The following NSUN3 variants were observed in gnomAD, a reference collection of about 807,000 sequenced individuals.
NSUN3 encodes the protein NOP2/Sun RNA methyltransferase 3, also known as tRNA (cytosine(34)-C(5))-methyltransferase, mitochondrial.
A neutral mutation model predicts 36.8 loss-of-function variants in NSUN3; 24 were observed. The observed-to-expected ratio is 0.65, with a 90% CI of 0.47 to 0.92. NSUN3 has a LOEUF of 0.92. NSUN3 is among the 40% of genes least tolerant of loss of function. The probability of loss-of-function intolerance (pLI) is 0.00; values close to 1 mark genes in which losing one functional copy is unlikely to be tolerated. For missense variants in NSUN3, 381 were observed against 392.8 expected (o/e 0.97, Z 0.25); for synonymous variants, 146 against 145.2 (o/e 1.01, Z -0.04).
intron 2 of NSUN3, among the ~76,000 whole-genome samples, chr3:94,067,818 C>T (rs2077211114): frequency 6.6e-6 from 1 of 152,008 alleles, no homozygotes; most frequent in African/African-American, 2.4e-5. Flanking sequence ...CAAGTATACA[C>T]ATCTAACACT....
chr3:94,109,318 T>C (rs2077406217), intron 5 of NSUN3, among the ~76,000 whole-genome samples: 1 of 152,226 alleles, frequency 6.6e-6, no homozygotes, highest in African/African-American at 2.4e-5. Flanking sequence ...CTTGATTTGG[T>C]AGTTAATTAC....
chr3:94,107,906 C>A (rs1282700685), intron 5 of NSUN3, among the ~76,000 whole-genome samples: 3 of 151,606 alleles, frequency 2.0e-5, no homozygotes, highest in Admixed American at 1.3e-4. Context: ...TATTTACGAC[C>A]CAGTTGGCAG....
intron 5 of NSUN3, among the ~76,000 whole-genome samples, chr3:94,117,600 T>C (rs1374357302): frequency 1.3e-5 from 2 of 152,220 alleles, no homozygotes; most frequent in Non-Finnish European, 2.9e-5. Flanking sequence ...GAAAGTTGTA[T>C]ACCTGATATC....
intron 3 of NSUN3, among the ~76,000 whole-genome samples, chr3:94,086,304 A>G (rs2077292656): frequency 6.6e-6 from 1 of 152,126 alleles, no homozygotes; most frequent in African/African-American, 2.4e-5. Context: ...AGGTTTCGAT[A>G]CCCTGGCACA....
intron 2 of NSUN3, among the ~76,000 whole-genome samples, chr3:94,078,799 C>T (rs1483468091): frequency 6.6e-6 from 1 of 152,114 alleles, no homozygotes; most frequent in Non-Finnish European, 1.5e-5. Context: ...AATATTCCTC[C>T]ATCCCTTTAT....
chr3:94,098,821 C>A (rs1409192047), intron 5 of NSUN3, among the ~76,000 whole-genome samples: 1 of 152,142 alleles, frequency 6.6e-6, no homozygotes, highest in Non-Finnish European at 1.5e-5. Context: ...TTACTGAAGC[C>A]TTGCCTGACT....
intron 2 of NSUN3, among the ~76,000 whole-genome samples, chr3:94,070,012 G>T (rs1489478868): frequency 6.6e-6 from 1 of 151,650 alleles, no homozygotes; most frequent in Non-Finnish European, 1.5e-5. Flanking sequence ...TTGTTTCTTA[G>T]GAATTTTTCT....
At chr3:94,119,227 G>T (rs1206287084) in intron 5 of NSUN3, among the ~76,000 whole-genome samples, 1 of 152,080 alleles carries the variant, frequency 6.6e-6, no homozygotes, top group Non-Finnish European at 1.5e-5. Context: ...TTTTAATTTT[G>T]ATTGGAAAAC....
At chr3:94,096,879 A>G (rs2077343640) in intron 5 of NSUN3, among the ~76,000 whole-genome samples, 1 of 152,148 alleles carries the variant, frequency 6.6e-6, no homozygotes, top group Non-Finnish European at 1.5e-5. Context: ...AAATCTTGTG[A>G]TGGCTTATTA....
intron 1 of NSUN3, among the ~76,000 whole-genome samples, chr3:94,063,636 G>T (rs1251592843): frequency 2.6e-5 from 4 of 151,966 alleles, no homozygotes; most frequent in Non-Finnish European, 5.9e-5. Context: ...GTTTTGTTTA[G>T]ATACAAGTTC....
chr3:94,099,852 T>A (rs899784184), intron 5 of NSUN3, among the ~76,000 whole-genome samples: 1 of 152,072 alleles, frequency 6.6e-6, no homozygotes, highest in Non-Finnish European at 1.5e-5. Context: ...ATAGCTCTAT[T>A]TTATCACTAT....
At chr3:94,120,967 T>A (rs984693506) in intron 5 of NSUN3, among the ~76,000 whole-genome samples, 2 of 152,334 alleles carry the variant, frequency 1.3e-5, no homozygotes, top group Middle Eastern at 3.4e-3. Flanking sequence ...CAACTTTACT[T>A]AGCAAATTGG....
At chr3:94,090,739 G>A (rs1184589183) in intron 3 of NSUN3, among the ~76,000 whole-genome samples, 7 of 152,182 alleles carry the variant, frequency 4.6e-5, no homozygotes, top group Non-Finnish European at 7.4e-5. Context: ...CTAAGAGACA[G>A]TGGGAACCTT....
intron 2 of NSUN3, chr3:94,075,962 A>T (rs1450726054): frequency 1.9e-6 from 3 of 1,553,778 alleles, no homozygotes; most frequent in Non-Finnish European, 2.7e-6. Context: ...ATCATTATAA[A>T]TGTTCTCTGC....
chr3:94,126,524 T>C lies in NSUN3; in HGVS notation c.*34T>C, dbSNP rs367674576. 7 of 1,564,648 alleles carry C rather than the reference T, an allele frequency of 4.5e-6. No homozygotes were observed. Among genetic ancestry groups the C allele is most frequent in the African/African-American group, 1.4e-5 (1 of 72,940 alleles). ...TGTAAACTGTGTTTATGTGTTATTATATTTATATTTCTGAACTCAGTACAT... is the reference window on the plus strand; with the variant it reads ...TGTAAACTGTGTTTATGTGTTATTACATTTATATTTCTGAACTCAGTACAT... On this transcript the variant is annotated 3_prime_UTR_variant, in exon 6 of 6. Transcript: ENST00000314622.
intron 1 of NSUN3, 83 bp from the exon 2 acceptor site, chr3:94,064,354 C>T (rs993264692): frequency 1.2e-6 from 1 of 820,822 alleles, no homozygotes; most frequent in South Asian, 1.5e-5. Context: ...GTGTTCTTGT[C>T]TTAAAAAAAG....
rs762982183 is a variant in NSUN3, at chr3:94,094,172, A to C, written c.499A>C (p.Arg167=). 7 of 1,612,306 alleles carry C rather than the reference A, an allele frequency of 4.3e-6. No individual in the cohort carries two copies. The highest frequency in any genetic ancestry group is 3.3e-5 in the South Asian group (3 of 90,848). Residue 167 remains arginine, a synonymous_variant, in exon 4 of 6, where the codon AGA becomes CGA. Transcript: ENST00000314622. ...YLHCNEYDSL[R]LRWLRQTLES... ...TCATTGTAATGAATATGATAGTCTG[A>C]GATTGAGGTGGCTAAGGCAGACGTT...
chr3:94,074,116 G>A (rs2077237062), intron 2 of NSUN3, among the ~76,000 whole-genome samples: 1 of 152,114 alleles, frequency 6.6e-6, no homozygotes, highest in African/African-American at 2.4e-5. Flanking sequence ...TTGTAGATGT[G>A]TGGTATTATT....
intron 5 of NSUN3, among the ~76,000 whole-genome samples, chr3:94,123,350 T>C (rs2077472254): frequency 6.6e-6 from 1 of 152,242 alleles, no homozygotes; most frequent in Admixed American, 6.5e-5. Flanking sequence ...TCATGAGATA[T>C]CTGCAAGTTT....
Sources: gnomAD v4.1 joint callset for allele counts (sites outside exome capture counted in the v4.1 genomes callset) on GRCh38, gnomAD v4.1.1 for gene constraint, MANE v1.5 for transcripts, NCBI Gene and HGNC (gene_info 2026-07-23, HGNC 2026-07-21) for gene names.